FAM168A: variants seen among roughly 807,000 people sequenced by gnomAD.
The protein encoded by FAM168A is family with sequence similarity 168 member A.
Under a neutral mutation model 28.5 loss-of-function variants are expected in FAM168A, and 3 were observed. That is an observed-to-expected ratio of 0.11 (90% CI 0.05 to 0.27). The LOEUF (loss-of-function observed/expected upper bound fraction) is 0.27, where lower values mean the gene tolerates loss of function less well. Ranked by LOEUF, FAM168A falls within the 10% of genes least tolerant of loss-of-function variation. FAM168A has a pLI of 1.00. For missense variants in FAM168A, 222 were observed against 311.5 expected (o/e 0.71, Z 2.16); for synonymous variants, 122 against 124.2 (o/e 0.98, Z 0.12).
At chr11:73,575,515 G>T (rs982788427) in intron 1 of FAM168A, among the ~76,000 whole-genome samples, 7 of 152,068 alleles carry the variant, frequency 4.6e-5, no homozygotes, top group African/African-American at 1.2e-4. Flanking sequence ...GTTACTAAAC[G>T]TGTCTTAACT....
Position 73,549,314 on chromosome 11 carries a change from T to C in FAM168A, c.-19+48609A>G, listed in dbSNP as rs1784049. On this transcript the variant is annotated intron_variant, in intron 1 of 7. Coordinates refer to ENST00000356467, the MANE Select transcript of FAM168A (RefSeq NM_015159.3). ...CTTATTTACATGTCTGTCTCTCCAC[T>C]GATCGGCACCTCTAGATCTGTGCTT... Among the ~76,000 whole-genome samples, 1,286 of 152,328 alleles carry C rather than the reference T, an allele frequency of 8.4e-3. 15 individuals are homozygous for C. Among genetic ancestry groups the C allele is most frequent in the African/African-American group, 0.029 (1,219 of 41,556 alleles).
At chr11:73,409,402 G>A in intron 6 of FAM168A, 85 bp downstream of exon 6, 3 of 1,554,102 alleles carry the variant, frequency 1.9e-6, no homozygotes, top group Non-Finnish European at 2.6e-6. Context: ...GTGCTGTGCT[G>A]CAGCCAATTC....
chr11:73,590,135 C>T (rs1262747700), intron 1 of FAM168A, among the ~76,000 whole-genome samples: 5 of 152,068 alleles, frequency 3.3e-5, no homozygotes, highest in African/African-American at 1.2e-4. Context: ...AAGGCAGTGG[C>T]TCATGCCTGT....
Position 73,402,050 on chromosome 11 carries a change from C to T in FAM168A, c.*4713G>A, listed in dbSNP as rs749252145. The T allele has an allele frequency of 2.0e-5, 3 of 152,268 alleles. No homozygotes were observed. The highest frequency in any genetic ancestry group is 2.9e-5 in the Non-Finnish European group (2 of 68,072). 9.4% of individuals were successfully genotyped at this position (152,268 alleles called of 1,614,324 possible). A position where few individuals can be genotyped will look rare whatever the true frequency, so the allele number is the denominator to read the frequency against. On this transcript the variant is annotated 3_prime_UTR_variant, in exon 8 of 8. Coordinates refer to ENST00000356467, the MANE Select transcript of FAM168A (RefSeq NM_015159.3). ...TGTGGAATCCCATCAGTTAGTCTGG[C>T]GTGTTTCTTCAGCTCTGCGGGTGGG...
intron 1 of FAM168A, among the ~76,000 whole-genome samples, chr11:73,487,106 GCTTTTTTC>G (rs997613666): frequency 1.1e-4 from 16 of 151,976 alleles, no homozygotes; most frequent in Non-Finnish European, 1.8e-4. Context: ...TTTTTTGTTT[GCTTTTTTC>G]CTTTTTTCCA....
chr11:73,484,725 TATATATCG>T (rs200097641), intron 1 of FAM168A, among the ~76,000 whole-genome samples: 82 of 145,096 alleles, frequency 5.7e-4, no homozygotes, highest in Middle Eastern at 3.8e-3. Flanking sequence ...TATATATAGA[TATATATCG>T]ATATATAGAT....
At chr11:73,573,001 C>G (rs897875778) in intron 1 of FAM168A, among the ~76,000 whole-genome samples, 2 of 152,146 alleles carry the variant, frequency 1.3e-5, no homozygotes, top group African/African-American at 4.8e-5. Flanking sequence ...AAGAGATAAT[C>G]TGAATAAGCC....
chr11:73,545,142 C>CTT (rs1943730830), intron 1 of FAM168A, among the ~76,000 whole-genome samples: 1 of 146,088 alleles, frequency 6.8e-6, no homozygotes. Flanking sequence ...TCTCTTGCCT[C>CTT]AGCCTCCTGA....
At chr11:73,580,492 G>A in intron 1 of FAM168A, 1 of 617,802 alleles carries the variant, frequency 1.6e-6, no homozygotes, top group Admixed American at 1.8e-5. Flanking sequence ...ACCAGGGACA[G>A]AAAGCTGAAG....
intron 1 of FAM168A, among the ~76,000 whole-genome samples, chr11:73,586,290 G>A (rs1202242806): frequency 6.6e-6 from 1 of 151,956 alleles, no homozygotes; most frequent in Non-Finnish European, 1.5e-5. Context: ...AAATAATTAT[G>A]ACCACCACAG....
At chr11:73,478,451 G>T (rs894281356) in intron 1 of FAM168A, among the ~76,000 whole-genome samples, 7 of 152,090 alleles carry the variant, frequency 4.6e-5, no homozygotes, top group Non-Finnish European at 8.8e-5. Flanking sequence ...TTGATCATCT[G>T]GGACTCAGAG....
intron 1 of FAM168A, among the ~76,000 whole-genome samples, chr11:73,504,793 G>A (rs1855074499): frequency 2.0e-5 from 3 of 152,118 alleles, no homozygotes; most frequent in Non-Finnish European, 2.9e-5. Context: ...AGAAAATGTG[G>A]TACATACATA....
intron 1 of FAM168A, among the ~76,000 whole-genome samples, chr11:73,505,006 G>A (rs1002441107): frequency 1.3e-5 from 2 of 152,116 alleles, no homozygotes; most frequent in Non-Finnish European, 2.9e-5. Flanking sequence ...GCCTGTTGCA[G>A]GGTGAGGGGT....
chr11:73,411,501 T>C lies in FAM168A; in HGVS notation c.313A>G (p.Thr105Ala). ...TAGTPYKVPP[T>A]QSNTAPPPYS... ...GGGGGTGGAGCAGTGTTACTCTGGG[T>C]CGGTGGGACCTTGTATGGTGTCCCC... The change falls in exon 5 of 8, where the codon ACC (threonine) becomes GCC (alanine). Residue 105 changes from threonine to alanine, a missense_variant. Thr to Ala is a moderately conservative substitution (Grantham distance 58, BLOSUM62 0). This residue lies in a region of FAM168A where 153 missense variants were observed against 189.2 expected (regional missense o/e 0.81). Coordinates refer to ENST00000356467, the MANE Select transcript of FAM168A (RefSeq NM_015159.3). 6.2e-7 allele frequency: 1 copy of C among 1,613,982 alleles called. No individual in the cohort carries two copies. The highest frequency in any genetic ancestry group is 8.5e-7 in the Non-Finnish European group (1 of 1,179,936).
chr11:73,551,087 G>C (rs1466125352), intron 1 of FAM168A, among the ~76,000 whole-genome samples: 1 of 151,152 alleles, frequency 6.6e-6, no homozygotes, highest in Non-Finnish European at 1.5e-5. Flanking sequence ...CTCCAGCCTG[G>C]GTGACAGAGC....
At chr11:73,492,513 G>GC (rs1439938762) in intron 1 of FAM168A, among the ~76,000 whole-genome samples, 1 of 152,080 alleles carries the variant, frequency 6.6e-6, no homozygotes, top group African/African-American at 2.4e-5. Context: ...ACGGTGGCGT[G>GC]CACCTGTAGT....
chr11:73,569,683 G>A lies in FAM168A; in HGVS notation c.-19+28240C>T, dbSNP rs61260942. ...CTAAAAATACAAAAATTAGCCGGGC[G>A]TGGTGATGCGCACCTGTGGTCTCAG... On this transcript the variant is annotated intron_variant, in intron 1 of 7. Coordinates refer to ENST00000356467, the MANE Select transcript of FAM168A (RefSeq NM_015159.3). 9.9e-3 allele frequency among the ~76,000 whole-genome samples: 1,501 copies of A among 152,050 alleles called. 29 individuals carry two copies. The highest frequency in any genetic ancestry group is 0.034 in the African/African-American group (1,396 of 41,462).
intron 2 of FAM168A, among the ~76,000 whole-genome samples, chr11:73,438,522 GC>G (rs1219000405): frequency 6.6e-6 from 1 of 152,204 alleles, no homozygotes; most frequent in Non-Finnish European, 1.5e-5. Context: ...TTTACTGCGT[GC>G]GGGGAAAAGT....
Position 73,430,810 on chromosome 11 carries a change from AAAAAC to A in FAM168A, c.71-45_71-41del, listed in dbSNP as rs533303495. ...GAAAAGGCTTATTTAGTTAGGCAAA[AAAAAC>A]AAAACAAAACAAAACAAAACAAAAA... On this transcript the variant is annotated intron_variant, in intron 2 of 7. Transcript: ENST00000356467. The A allele has an allele frequency of 8.7e-5, 129 of 1,483,904 alleles. No individual in the cohort carries two copies. In the Admixed American group the frequency reaches 1.2e-3, roughly 14 times the overall value. The allele number at this position is 1,483,904 out of a possible 1,614,324, so 91.9% of individuals were successfully genotyped here.
Sources: gnomAD v4.1 joint callset for allele counts (sites outside exome capture counted in the v4.1 genomes callset) on GRCh38, gnomAD v4.1.1 for gene constraint, gnomAD v4.1.1 regional missense constraint, MANE v1.5 for transcripts, NCBI Gene and HGNC (gene_info 2026-07-23, HGNC 2026-07-21) for gene names.